SNAP91: variants seen among roughly 807,000 people sequenced by gnomAD.
The protein encoded by SNAP91 is clathrin coat assembly protein AP180.
SNAP91 carries 27 observed loss-of-function variants against 100.3 expected under a neutral mutation model. The ratio of observed to expected loss-of-function variants is 0.27; its 90% CI spans 0.20 to 0.37. SNAP91 has a LOEUF of 0.37. Among genes scored for constraint, SNAP91 ranks in the 10% least tolerant of loss-of-function variants. SNAP91 has a pLI of 1.00. For missense variants in SNAP91, 986 were observed against 1,123.7 expected (o/e 0.88, Z 1.75); for synonymous variants, 404 against 398.6 (o/e 1.01, Z -0.16).
At position 83,616,957 on chromosome 6, in the gene SNAP91, A is replaced by G. The variant is rs952939268; in HGVS notation, c.878+12T>C. ...TTTTTCATCTTATTTAGAATATACA[A>G]CTAATGCGTACTTGTTTCCAGGTTT... is the stretch of plus-strand genomic sequence containing the variant. On this transcript the variant is annotated intron_variant, in intron 10 of 29. Coordinates refer to ENST00000369694, the MANE Select transcript of SNAP91 (RefSeq NM_001242792.2). 1 of 1,509,828 alleles carries G rather than the reference A, an allele frequency of 6.6e-7. No homozygotes were observed. The allele number at this position is 1,509,828 out of a possible 1,614,324, so 93.5% of individuals were successfully genotyped here.
At chr6:83,598,159 T>TA (rs1350088329) in intron 16 of SNAP91, among the ~76,000 whole-genome samples, 1 of 152,332 alleles carries the variant, frequency 6.6e-6, no homozygotes, top group East Asian at 1.9e-4. Flanking sequence ...TGCATCAGTA[T>TA]AAAAATAGGT....
intron 2 of SNAP91, among the ~76,000 whole-genome samples, chr6:83,672,892 C>A (rs2098808099): frequency 6.6e-6 from 1 of 152,054 alleles, no homozygotes; most frequent in South Asian, 2.1e-4. Flanking sequence ...TTATATGACT[C>A]TGTAAAACCC....
In SNAP91 at chr6:83,593,022, C is replaced by T. The variant is rs762050063; in HGVS notation, c.1775-5G>A. 5.1e-6 allele frequency: 8 copies of T among 1,574,664 alleles called. No homozygotes were observed. In the Admixed American group the frequency reaches 5.5e-5, roughly 11 times the overall value. On this transcript the variant is annotated splice_polypyrimidine_tract_variant and splice_region_variant and intron_variant, in intron 19 of 29. Transcript: ENST00000369694. Reference sequence around the variant, plus strand: ...GTGGTGGAGAGGAGAAAGCATCTTCCAAAAGTGAAACAAACCAAAACCAAG... The same window carrying T: ...GTGGTGGAGAGGAGAAAGCATCTTCTAAAAGTGAAACAAACCAAAACCAAG...
In SNAP91 at chr6:83,569,373, A is replaced by C. The variant is rs551197883; in HGVS notation, c.2442+5637T>G. ...ACAAAAATAAAGAGTTTTGGGGTTA[A>C]AAAAATGAGACAATCTCAGTCTGTG... On this transcript the variant is annotated intron_variant, in intron 26 of 29. Transcript: ENST00000369694. Among the ~76,000 whole-genome samples the C allele has an allele frequency of 5.9e-5, 9 of 152,302 alleles. No individual in the cohort carries two copies. In the East Asian group the frequency reaches 1.7e-3, roughly 29 times the overall value.
At chr6:83,680,133 T>C (rs1192677972) in intron 2 of SNAP91, among the ~76,000 whole-genome samples, 1 of 152,050 alleles carries the variant, frequency 6.6e-6, no homozygotes, top group Non-Finnish European at 1.5e-5. Context: ...AGGCTAGACC[T>C]CTCTCAATCA....
intron 9 of SNAP91, among the ~76,000 whole-genome samples, chr6:83,620,215 A>AT (rs2096656916): frequency 6.6e-6 from 1 of 152,152 alleles, no homozygotes; most frequent in Non-Finnish European, 1.5e-5. Context: ...AATTCTAATC[A>AT]TTTTTTAAGT....
At chr6:83,619,356 T>C (rs1377702700) in intron 9 of SNAP91, among the ~76,000 whole-genome samples, 2 of 152,232 alleles carry the variant, frequency 1.3e-5, no homozygotes, top group East Asian at 3.8e-4. Flanking sequence ...TGTCTACCTT[T>C]TCTCAACTGC....
chr6:83,661,512 C>A lies in SNAP91; in HGVS notation c.442G>T (p.Val148Leu), dbSNP rs567759103. 2 of 1,601,638 alleles carry A rather than the reference C, an allele frequency of 1.2e-6. No individual in the cohort carries two copies. Among genetic ancestry groups the A allele is most frequent in the Non-Finnish European group, 1.7e-6 (2 of 1,172,248 alleles). ...YRQMAFDFAR[V>L]KKGADGVMRT... ...AAGACAAAAACATACCCTTTCTTCA[C>A]CCTGGCAAAATCAAAGGCCATCTGT... is the stretch of plus-strand genomic sequence containing the variant. Residue 148 changes from valine to leucine, a missense_variant, in exon 5 of 30, where the codon GTG becomes TTG. Transcript: ENST00000369694.
At position 83,656,795 on chromosome 6, in the gene SNAP91, T is replaced by G; in HGVS notation, c.617A>C (p.Lys206Thr). 1 of 1,606,776 alleles carries G rather than the reference T, an allele frequency of 6.2e-7. No individual in the cohort carries two copies. Among genetic ancestry groups the G allele is most frequent in the South Asian group, 1.1e-5 (1 of 89,972 alleles). Residue 206 changes from lysine to threonine, a missense_variant, in exon 7 of 30, where the codon AAA becomes ACA. Lys to Thr is a moderately conservative substitution (Grantham distance 78). This residue lies in a region of SNAP91 where 330 missense variants were observed against 447.5 expected (regional missense o/e 0.74). Transcript: ENST00000369694. Reference sequence around the variant, plus strand: ...ACCATCATTGTAGCAAGCAAAAAGTTTGATAAGATCTTTGAAAAGAAGCAT... The same window carrying G: ...ACCATCATTGTAGCAAGCAAAAAGTGTGATAAGATCTTTGAAAAGAAGCAT... ...AFMLLFKDLI[K>T]LFACYNDGVI...
intron 23 of SNAP91, among the ~76,000 whole-genome samples, 170 bp downstream of exon 23, chr6:83,582,052 T>C (rs1829241295): frequency 6.6e-6 from 1 of 151,014 alleles, no homozygotes; most frequent in South Asian, 2.1e-4. Flanking sequence ...CAATGTGTAC[T>C]ATAAATTTTA....
At chr6:83,614,166 A>G (rs993310816) in intron 11 of SNAP91, among the ~76,000 whole-genome samples, 1 of 152,232 alleles carries the variant, frequency 6.6e-6, no homozygotes, top group African/African-American at 2.4e-5. Context: ...TGAAAGATCT[A>G]TCTACATCCT....
chr6:83,601,694 C>T (rs1336888951), intron 14 of SNAP91, 95 bp from the exon 15 acceptor site: 3 of 1,133,906 alleles, frequency 2.6e-6, no homozygotes, highest in South Asian at 1.3e-5. Flanking sequence ...AAGGCACTAA[C>T]TAAAAAAACC....
rs531652472 is a variant in SNAP91, at chr6:83,571,089, G to A, written c.2442+3921C>T. Among the ~76,000 whole-genome samples the A allele has an allele frequency of 5.9e-5, 9 of 151,398 alleles. No individual in the cohort carries two copies. In the South Asian group the frequency reaches 1.5e-3, roughly 25 times the overall value. On this transcript the variant is annotated intron_variant, in intron 26 of 29. Transcript: ENST00000369694. ...CAAAGCTACAGGGATGGAGCTGCCC[G>A]AGGACCATGGGCGCCCACCTCTTTT... is the stretch of plus-strand genomic sequence containing the variant.
intron 26 of SNAP91, among the ~76,000 whole-genome samples, chr6:83,568,691 A>G (rs1801264948): frequency 6.6e-6 from 1 of 152,142 alleles, no homozygotes; most frequent in South Asian, 2.1e-4. Flanking sequence ...CACCTCTAAG[A>G]AGCAATTAAG....
At chr6:83,628,121 C>T (rs2097033829) in intron 8 of SNAP91, among the ~76,000 whole-genome samples, 1 of 151,360 alleles carries the variant, frequency 6.6e-6, no homozygotes, top group African/African-American at 2.4e-5. Flanking sequence ...GTTTTCCATT[C>T]CTGAGTTACT....
chr6:83,640,631 T>C (rs1256220715), intron 8 of SNAP91, among the ~76,000 whole-genome samples: 1 of 152,194 alleles, frequency 6.6e-6, no homozygotes, highest in Non-Finnish European at 1.5e-5. Context: ...AAACAAATTA[T>C]GCTTTCTGTC....
At chr6:83,581,602 T>C (rs901090840) in intron 23 of SNAP91, among the ~76,000 whole-genome samples, 7 of 152,196 alleles carry the variant, frequency 4.6e-5, no homozygotes, top group Non-Finnish European at 1.0e-4. Context: ...AGCATTCAAC[T>C]AGGCACTGGC....
chr6:83,580,693 C>G, intron 23 of SNAP91, 94 bp from the exon 24 acceptor site: 1 of 1,166,712 alleles, frequency 8.6e-7, no homozygotes, highest in Non-Finnish European at 1.2e-6. Context: ...ACTATGGAAA[C>G]AAGTGAATAT....
chr6:83,611,019 C>G (rs572910074), intron 11 of SNAP91, among the ~76,000 whole-genome samples: 3 of 151,892 alleles, frequency 2.0e-5, no homozygotes, highest in Admixed American at 6.6e-5. Context: ...AAAAAACAAA[C>G]TGTCTAAATG....
Sources: allele counts gnomAD v4.1 joint callset (sites outside exome capture counted in the v4.1 genomes callset), GRCh38; gene constraint gnomAD v4.1.1; regional missense constraint gnomAD v4.1.1; transcripts MANE v1.5; gene names NCBI Gene and HGNC (gene_info 2026-07-23, HGNC 2026-07-21).